STRADB: variants seen among roughly 807,000 people sequenced by gnomAD.
The protein encoded by STRADB is STE20-related kinase adapter protein beta.
A neutral mutation model predicts 52.1 loss-of-function variants in STRADB; 34 were observed. That is an observed-to-expected ratio of 0.65 (90% CI 0.50 to 0.87). STRADB has a LOEUF of 0.87. Ranked by LOEUF, STRADB falls within the 40% of genes least tolerant of loss-of-function variation. The probability of loss-of-function intolerance (pLI) is 0.00; values close to 1 mark genes in which losing one functional copy is unlikely to be tolerated. For missense variants in STRADB, 340 were observed against 483.9 expected, an observed-to-expected ratio of 0.70 and a Z score of 2.79; for synonymous variants, 133 against 174.5, an observed-to-expected ratio of 0.76 and a Z score of 1.87.
rs1559462468 is a variant in STRADB, at chr2:201,458,835, C to T, written c.64C>T (p.Gln22Ter). ...TQVESLRPEK[Q>*]SETSIHQYLV... ...AGTTGAATCACTCAGACCTGAAAAACAGTCTGAAACCAGTATCCATCAATA... is the reference window on the plus strand; with the variant it reads ...AGTTGAATCACTCAGACCTGAAAAATAGTCTGAAACCAGTATCCATCAATA... Residue 22 changes from glutamine (Q) to a stop codon, truncating the protein, a stop_gained, in exon 3 of 12, where the codon CAG (glutamine) becomes TAG (stop). Coordinates refer to ENST00000194530, the MANE Select transcript of STRADB (RefSeq NM_018571.6). LOFTEE classifies it high-confidence loss of function. 3 of 1,613,878 alleles carry T rather than the reference C, an allele frequency of 1.9e-6. No homozygotes were observed. Among genetic ancestry groups the T allele is most frequent in the Non-Finnish European group, 2.5e-6 (3 of 1,179,876 alleles).
intron 5 of STRADB, among the ~76,000 whole-genome samples, chr2:201,473,907 TC>T (rs1952430487): frequency 6.7e-6 from 1 of 150,192 alleles, no homozygotes; most frequent in African/African-American, 2.5e-5. Context: ...TTTTTTTTTT[TC>T]GAGACGGAGT....
chr2:201,452,629 T>C (rs1952064210), intron 1 of STRADB, among the ~76,000 whole-genome samples: 1 of 152,190 alleles, frequency 6.6e-6, no homozygotes, highest in Admixed American at 6.5e-5. Context: ...ATGATCTTTG[T>C]TAAGATTTTA....
At chr2:201,469,666 A>G (rs1952359245) in intron 3 of STRADB, among the ~76,000 whole-genome samples, 2 of 152,236 alleles carry the variant, frequency 1.3e-5, no homozygotes, top group Admixed American at 1.3e-4. Context: ...AAGAATTAAC[A>G]TTCTTCGCAA....
At chr2:201,457,155 T>C (rs1338518291) in intron 2 of STRADB, among the ~76,000 whole-genome samples, 1 of 152,244 alleles carries the variant, frequency 6.6e-6, no homozygotes, top group African/African-American at 2.4e-5. Flanking sequence ...GTCAACCTTA[T>C]AAGCAGCTAT....
intron 2 of STRADB, among the ~76,000 whole-genome samples, chr2:201,456,273 C>G (rs1163270390): frequency 2.0e-5 from 3 of 152,178 alleles, no homozygotes; most frequent in African/African-American, 7.2e-5. Context: ...GACCCTTACT[C>G]TAAAGGATTA....
At chr2:201,468,501 A>T (rs1952340415) in intron 3 of STRADB, among the ~76,000 whole-genome samples, 1 of 152,092 alleles carries the variant, frequency 6.6e-6, no homozygotes, top group African/African-American at 2.4e-5. Flanking sequence ...ATAGTTGCAA[A>T]CTTCGTATCC....
intron 3 of STRADB, among the ~76,000 whole-genome samples, chr2:201,468,085 C>CTTTTCTTTTTTTTTTTTT (rs1559465545): frequency 4.4e-4 from 31 of 70,952 alleles, no homozygotes; most frequent in Non-Finnish European, 7.1e-4. Context: ...TTTTTTTTTT[C>CTTTTCTTTTTTTTTTTTT]TTTTTTTTTT....
At chr2:201,461,562 G>T (rs1024860290) in intron 3 of STRADB, among the ~76,000 whole-genome samples, 1 of 151,960 alleles carries the variant, frequency 6.6e-6, no homozygotes, top group Non-Finnish European at 1.5e-5. Context: ...GATTGTTTGA[G>T]CTCCTTATAT....
intron 8 of STRADB, 30 bp downstream of exon 8, chr2:201,477,820 TGTGTCTCAA>T (rs1285012323): frequency 1.2e-6 from 2 of 1,603,074 alleles, no homozygotes; most frequent in Admixed American, 3.3e-5. Context: ...TTGGGTTGTC[TGTGTCTCAA>T]GTGTCTTCTG....
intron 9 of STRADB, 52 bp downstream of exon 9, chr2:201,478,243 A>C: frequency 6.3e-7 from 1 of 1,591,116 alleles, no homozygotes; most frequent in Non-Finnish European, 8.6e-7. Context: ...GACTGCTTAC[A>C]TTCTAGATAA....
At chr2:201,456,942 A>G (rs1366722958) in intron 2 of STRADB, among the ~76,000 whole-genome samples, 3 of 152,260 alleles carry the variant, frequency 2.0e-5, no homozygotes, top group Admixed American at 6.5e-5. Flanking sequence ...AGGGAAGCTC[A>G]TTAGAGACTT....
chr2:201,475,579 C>G (rs757539319), intron 6 of STRADB, 40 bp from the exon 7 acceptor site: 83 of 1,610,776 alleles, frequency 5.2e-5, no homozygotes, highest in Non-Finnish European at 3.4e-6. Flanking sequence ...AGCAAAATCA[C>G]TTTCAATGTT....
Position 201,458,814 on chromosome 2 carries a change from G to A in STRADB, c.43G>A (p.Glu15Lys), listed in dbSNP as rs768630852. 6.2e-7 allele frequency: 1 copy of A among 1,613,840 alleles called. No homozygotes were observed. The highest frequency in any genetic ancestry group is 8.5e-7 in the Non-Finnish European group (1 of 1,179,902). ...DCFCTSRTQVESLRPEKQSET... is the reference protein window; with the variant it reads ...DCFCTSRTQVKSLRPEKQSET... ...CTTCTGCACTTCAAGAACACAAGTT[G>A]AATCACTCAGACCTGAAAAACAGTC... The change falls in exon 3 of 12, where the codon GAA (glutamate) becomes AAA (lysine). Residue 15 changes from glutamate to lysine, a missense_variant. Transcript: ENST00000194530.
Position 201,465,908 on chromosome 2 carries a change from T to C in STRADB, c.94-4045T>C, listed in dbSNP as rs534720076. On this transcript the variant is annotated intron_variant, in intron 3 of 11. Transcript: ENST00000194530. ...GGCAACACTGAGTTCCAGTGCAAAG[T>C]CCCACAATCACTGCACTCTCCCTCC... Among the ~76,000 whole-genome samples, 39 of 152,236 alleles carry C rather than the reference T, an allele frequency of 2.6e-4. 1 individual carries two copies. The South Asian group carries it at 8.1e-3, about 32-fold the overall frequency.
At chr2:201,466,291 T>C (rs1280352587) in intron 3 of STRADB, among the ~76,000 whole-genome samples, 3 of 152,244 alleles carry the variant, frequency 2.0e-5, no homozygotes, top group Non-Finnish European at 4.4e-5. Flanking sequence ...ACCTGAATCC[T>C]TCAAACCTTC....
Position 201,478,196 on chromosome 2 carries a change from G to T in STRADB, c.825+5G>T. ...CAGGACATGCATAGAACTCAGGTAA[G>T]TGCTGCTAAAATCCCTGAGCTACTT... On this transcript the variant is annotated splice_donor_5th_base_variant and intron_variant, in intron 9 of 11. Coordinates refer to ENST00000194530, the MANE Select transcript of STRADB (RefSeq NM_018571.6). The T allele has an allele frequency of 6.2e-7, 1 of 1,607,732 alleles. No individual in the cohort carries two copies. Among genetic ancestry groups the T allele is most frequent in the Non-Finnish European group, 8.5e-7 (1 of 1,177,870 alleles).
chr2:201,466,223 T>C (rs936684457), intron 3 of STRADB, among the ~76,000 whole-genome samples: 1 of 152,206 alleles, frequency 6.6e-6, no homozygotes, highest in African/African-American at 2.4e-5. Flanking sequence ...AAGTGATTCT[T>C]GTCTCCATGC....
At chr2:201,458,959 C>A (rs555175141) in intron 3 of STRADB, 95 bp downstream of exon 3, 3 of 1,023,356 alleles carry the variant, frequency 2.9e-6, no homozygotes, top group Non-Finnish European at 4.4e-6. Flanking sequence ...CCTAGGAGTT[C>A]GAGACCAGCC....
chr2:201,458,927 CA>C, intron 3 of STRADB, 63 bp downstream of exon 3: 1 of 1,434,996 alleles, frequency 7.0e-7, no homozygotes, highest in Non-Finnish European at 9.7e-7. Flanking sequence ...TCTGGGAGGC[CA>C]AGGCAGGAGA....
Sources: gnomAD v4.1 joint callset for allele counts (sites outside exome capture counted in the v4.1 genomes callset) on GRCh38, gnomAD v4.1.1 for gene constraint, MANE v1.5 for transcripts, NCBI Gene and HGNC (gene_info 2026-07-23, HGNC 2026-07-21) for gene names.